The following UBR3 variants were observed in gnomAD, a reference collection of about 807,000 sequenced individuals.
The protein encoded by UBR3 is E3 ubiquitin-protein ligase UBR3.
Under a neutral mutation model 243.2 loss-of-function variants are expected in UBR3, and 85 were observed. That is an observed-to-expected ratio of 0.35 (90% CI 0.29 to 0.42). UBR3 has a LOEUF of 0.42. UBR3 is among the 10% of genes least tolerant of loss of function. UBR3 has a pLI of 1.00. For synonymous variants in UBR3, 748 were observed against 799.8 expected, an observed-to-expected ratio of 0.94 and a Z score of 1.09; for missense variants, 1,686 against 2,300.8, an observed-to-expected ratio of 0.73 and a Z score of 5.47.
intron 20 of UBR3, among the ~76,000 whole-genome samples, chr2:169,944,467 TAAA>T (rs1201629820): frequency 6.6e-6 from 1 of 152,272 alleles, no homozygotes; most frequent in East Asian, 1.9e-4. Context: ...TTATGAAAAA[TAAA>T]AAGACAATGT....
At chr2:169,859,081 CTT>C (rs575814312) in intron 1 of UBR3, among the ~76,000 whole-genome samples, 4 of 99,734 alleles carry the variant, frequency 4.0e-5, no homozygotes, top group African/African-American at 8.6e-5. Context: ...CTCACCATGG[CTT>C]TTTTTTTTTT....
intron 1 of UBR3, among the ~76,000 whole-genome samples, chr2:169,833,082 T>C (rs1226577754): frequency 6.6e-6 from 1 of 152,228 alleles, no homozygotes; most frequent in Non-Finnish European, 1.5e-5. Flanking sequence ...CAGGGTATAC[T>C]GAAATGCTGC....
intron 14 of UBR3, among the ~76,000 whole-genome samples, 175 bp from the exon 15 acceptor site, chr2:169,926,517 A>C (rs1460880547): frequency 6.6e-6 from 1 of 152,090 alleles, no homozygotes; most frequent in Non-Finnish European, 1.5e-5. Flanking sequence ...TGAGCCTGGG[A>C]GGCAGAGGTG....
chr2:169,871,981 T>G (rs559138772), intron 1 of UBR3, among the ~76,000 whole-genome samples: 1 of 152,228 alleles, frequency 6.6e-6, no homozygotes, highest in South Asian at 2.1e-4. Context: ...AAGTGCCCTG[T>G]AATGAGATTT....
intron 29 of UBR3, 55 bp downstream of exon 29, chr2:170,008,995 A>G: frequency 2.7e-6 from 3 of 1,113,080 alleles, no homozygotes; most frequent in Non-Finnish European, 3.7e-6. Flanking sequence ...AGTTGATTTT[A>G]TTATTTAATA....
intron 8 of UBR3, among the ~76,000 whole-genome samples, chr2:169,897,506 T>G (rs894059145): frequency 6.6e-6 from 1 of 152,072 alleles, no homozygotes; most frequent in African/African-American, 2.4e-5. Flanking sequence ...TAATTTTTAT[T>G]ATTATTTTTT....
rs2091944697 is a variant in UBR3, at chr2:170,084,089, A to C, written c.*2246A>C. 6.6e-6 allele frequency: 1 copy of C among 152,470 alleles called. No individual in the cohort carries two copies. Among genetic ancestry groups the C allele is most frequent in the African/African-American group, 2.4e-5 (1 of 41,454 alleles). 9.4% of individuals were successfully genotyped at this position (152,470 alleles called of 1,614,324 possible). A position where few individuals can be genotyped will look rare whatever the true frequency, so the allele number is the denominator to read the frequency against. ...AATAATCAACATTGTAAGATATGTT[A>C]ATAAAAACCTGCTGTCATTTGGTTT... On this transcript the variant is annotated 3_prime_UTR_variant, in exon 39 of 39. Coordinates refer to ENST00000272793, the MANE Select transcript of UBR3 (RefSeq NM_172070.4).
intron 24 of UBR3, among the ~76,000 whole-genome samples, chr2:169,977,469 G>A (rs1448088630): frequency 6.6e-6 from 1 of 152,168 alleles, no homozygotes; most frequent in Non-Finnish European, 1.5e-5. Context: ...TGACAGTACA[G>A]TACCCGGTCT....
chr2:170,002,412 C>G (rs2089744897), intron 27 of UBR3, among the ~76,000 whole-genome samples: 1 of 152,164 alleles, frequency 6.6e-6, no homozygotes, highest in Admixed American at 6.5e-5. Context: ...GCAGCTATTC[C>G]AAACCTTTGC....
intron 37 of UBR3, chr2:170,080,228 T>G: frequency 1.7e-6 from 1 of 599,882 alleles, no homozygotes; most frequent in Non-Finnish European, 2.8e-6. Flanking sequence ...TAAGTACAAT[T>G]CTAGTTCTCC....
intron 29 of UBR3, among the ~76,000 whole-genome samples, chr2:170,010,836 C>T (rs1171612901): frequency 2.6e-5 from 4 of 152,164 alleles, no homozygotes; most frequent in South Asian, 2.1e-4. Context: ...TCCAGTGAGG[C>T]GGCATTCCTT....
At chr2:169,849,959 C>G (rs1186255745) in intron 1 of UBR3, among the ~76,000 whole-genome samples, 1 of 152,004 alleles carries the variant, frequency 6.6e-6, no homozygotes, top group Non-Finnish European at 1.5e-5. Context: ...CTGCTGATAC[C>G]TTTGTGGGCA....
At chr2:169,982,355 T>C (rs1366063156) in intron 24 of UBR3, among the ~76,000 whole-genome samples, 1 of 152,082 alleles carries the variant, frequency 6.6e-6, no homozygotes, top group Non-Finnish European at 1.5e-5. Flanking sequence ...TAAATACTTA[T>C]TTTAGTTTAA....
chr2:169,832,358 G>A (rs575988642), intron 1 of UBR3, among the ~76,000 whole-genome samples: 1 of 151,418 alleles, frequency 6.6e-6, no homozygotes, highest in South Asian at 2.1e-4. Flanking sequence ...AGATCATCCT[G>A]GCTAACATGG....
At chr2:169,955,678 C>T (rs778522534) in intron 23 of UBR3, among the ~76,000 whole-genome samples, 67 of 149,662 alleles carry the variant, frequency 4.5e-4, no homozygotes, top group Admixed American at 6.8e-4. Context: ...CCTGTAATCC[C>T]GGCTACTCAA....
intron 23 of UBR3, among the ~76,000 whole-genome samples, chr2:169,957,534 G>C (rs546843256): frequency 1.4e-5 from 2 of 143,998 alleles, no homozygotes; most frequent in East Asian, 4.2e-4. Flanking sequence ...GACACAGGAA[G>C]GGGAACATCA....
At chr2:169,837,386 G>C (rs1386505149) in intron 1 of UBR3, among the ~76,000 whole-genome samples, 1 of 152,266 alleles carries the variant, frequency 6.6e-6, no homozygotes, top group African/African-American at 2.4e-5. Flanking sequence ...TGAGGCAAGA[G>C]AATTGCTTGA....
chr2:170,019,993 C>T (rs2090347781), intron 30 of UBR3, among the ~76,000 whole-genome samples: 1 of 152,058 alleles, frequency 6.6e-6, no homozygotes, highest in Non-Finnish European at 1.5e-5. Context: ...GTTGACCAGG[C>T]TGGTCTCAAG....
At chr2:169,945,335 C>G (rs1337108167) in intron 20 of UBR3, among the ~76,000 whole-genome samples, 1 of 152,118 alleles carries the variant, frequency 6.6e-6, no homozygotes, top group Non-Finnish European at 1.5e-5. Flanking sequence ...CTGTGCCACA[C>G]AACAGATGAA....
Sources: gnomAD v4.1 joint callset for allele counts (sites outside exome capture counted in the v4.1 genomes callset) on GRCh38, gnomAD v4.1.1 for gene constraint, MANE v1.5 for transcripts, NCBI Gene and HGNC (gene_info 2026-07-23, HGNC 2026-07-21) for gene names.